SGMS1: variants seen among roughly 807,000 people sequenced by gnomAD.
SGMS1 encodes sphingomyelin synthase 1.
Under a neutral mutation model 46.2 loss-of-function variants are expected in SGMS1, and 13 were observed. That is an observed-to-expected ratio of 0.28 (90% CI 0.18 to 0.45). SGMS1 has a LOEUF of 0.45. SGMS1 is among the 20% of genes least tolerant of loss of function. The pLI is 1.00. For synonymous variants in SGMS1, 203 were observed against 187.8 expected, an observed-to-expected ratio of 1.08 and a Z score of -0.66; for missense variants, 324 against 519.9, an observed-to-expected ratio of 0.62 and a Z score of 3.66.
At chr10:50,452,165 CAT>C (rs1427533684) in intron 5 of SGMS1, among the ~76,000 whole-genome samples, 16 of 151,990 alleles carry the variant, frequency 1.1e-4, no homozygotes, top group African/African-American at 3.1e-4. Flanking sequence ...TCTATAAATA[CAT>C]ATAATAAAAT....
At position 50,361,947 on chromosome 10, in the gene SGMS1, C is replaced by A. The variant is rs189370072; in HGVS notation, c.-231-17602G>T. Reference sequence around the variant, plus strand: ...CCATACTCAAGTGTTCCAGTAGATTCCCACACAAACCAGTCATTTCATACC... The same window carrying A: ...CCATACTCAAGTGTTCCAGTAGATTACCACACAAACCAGTCATTTCATACC... On this transcript the variant is annotated intron_variant, in intron 6 of 10. Transcript: ENST00000361781. Among the ~76,000 whole-genome samples, 517 of 152,312 alleles carry A rather than the reference C, an allele frequency of 3.4e-3. 3 individuals carry two copies. The highest frequency in any genetic ancestry group is 6.5e-3 in the Non-Finnish European group (444 of 68,036).
chr10:50,480,274 A>G (rs1837464154), intron 3 of SGMS1, among the ~76,000 whole-genome samples: 2 of 152,094 alleles, frequency 1.3e-5, no homozygotes, highest in Admixed American at 1.3e-4. Context: ...CTTAAAGAAA[A>G]CGAGAGTATT....
intron 6 of SGMS1, chr10:50,418,550 T>A (rs1354598502): frequency 6.6e-6 from 1 of 152,236 alleles, no homozygotes; most frequent in African/African-American, 2.4e-5. Context: ...CCTTTCTTGA[T>A]TTATACCAAG....
chr10:50,621,726 G>A (rs1440890865), intron 1 of SGMS1, among the ~76,000 whole-genome samples: 2 of 152,192 alleles, frequency 1.3e-5, no homozygotes, highest in Non-Finnish European at 2.9e-5. Flanking sequence ...TCACTGAAGA[G>A]TTGCAGAAAT....
chr10:50,402,690 T>A (rs559897976), intron 6 of SGMS1, among the ~76,000 whole-genome samples: 138 of 152,284 alleles, frequency 9.1e-4, no homozygotes, highest in Non-Finnish European at 1.6e-3. Flanking sequence ...GTTTACATAG[T>A]ATGTAACAAG....
At chr10:50,511,017 A>T (rs1837749109) in intron 3 of SGMS1, among the ~76,000 whole-genome samples, 1 of 152,110 alleles carries the variant, frequency 6.6e-6, no homozygotes. Context: ...CTTTCTTTTG[A>T]CCTTTTCCCT....
chr10:50,380,226 C>T (rs1318072876), intron 6 of SGMS1, among the ~76,000 whole-genome samples: 2 of 151,946 alleles, frequency 1.3e-5, no homozygotes, highest in Admixed American at 1.3e-4. Context: ...AATAGAAATA[C>T]AAAAATTAGC....
At chr10:50,414,562 T>G (rs140936572) in intron 6 of SGMS1, among the ~76,000 whole-genome samples, 30 of 152,326 alleles carry the variant, frequency 2.0e-4, no homozygotes, top group African/African-American at 7.2e-4. Context: ...TTTAAGCACT[T>G]TACATGGATT....
At chr10:50,385,367 C>G (rs912598908) in intron 6 of SGMS1, among the ~76,000 whole-genome samples, 1 of 152,118 alleles carries the variant, frequency 6.6e-6, no homozygotes, top group Non-Finnish European at 1.5e-5. Context: ...ATCAGGTAGA[C>G]TTGGATTCCA....
intron 2 of SGMS1, among the ~76,000 whole-genome samples, chr10:50,557,248 T>G (rs1384233868): frequency 1.3e-5 from 2 of 152,156 alleles, no homozygotes; most frequent in Non-Finnish European, 2.9e-5. Flanking sequence ...TTTTTAGATA[T>G]TCACAATAAT....
chr10:50,422,782 G>A (rs1339465120), intron 6 of SGMS1, among the ~76,000 whole-genome samples: 1 of 152,090 alleles, frequency 6.6e-6, no homozygotes, highest in Non-Finnish European at 1.5e-5. Flanking sequence ...TTATTATATG[G>A]CATTTGCATT....
intron 6 of SGMS1, among the ~76,000 whole-genome samples, chr10:50,429,186 G>T (rs532560727): frequency 6.6e-6 from 1 of 152,132 alleles, no homozygotes; most frequent in Non-Finnish European, 1.5e-5. Context: ...GCACAGACAG[G>T]TATAGTCATG....
At chr10:50,601,463 T>A (rs1838649349) in intron 1 of SGMS1, among the ~76,000 whole-genome samples, 1 of 152,230 alleles carries the variant, frequency 6.6e-6, no homozygotes, top group Admixed American at 6.5e-5. Context: ...AGAGGACCAC[T>A]TAAGACAGAA....
At chr10:50,576,975 G>T (rs1480586229) in intron 2 of SGMS1, among the ~76,000 whole-genome samples, 1 of 152,230 alleles carries the variant, frequency 6.6e-6, no homozygotes, top group Non-Finnish European at 1.5e-5. Flanking sequence ...ACTGCATAGA[G>T]CTGGGACTTA....
intron 1 of SGMS1, among the ~76,000 whole-genome samples, chr10:50,599,875 AAAAG>A (rs1017841776): frequency 2.0e-5 from 3 of 152,320 alleles, no homozygotes; most frequent in African/African-American, 4.8e-5. Context: ...AAAATTTTAA[AAAAG>A]AAAGAAAGAA....
intron 6 of SGMS1, among the ~76,000 whole-genome samples, chr10:50,383,243 GC>G (rs1268954304): frequency 6.6e-6 from 1 of 152,086 alleles, no homozygotes; most frequent in Non-Finnish European, 1.5e-5. Context: ...GAAGAATTAT[GC>G]AGAATTTATC....
At chr10:50,544,314 G>A (rs144140438) in intron 2 of SGMS1, among the ~76,000 whole-genome samples, 25 of 152,308 alleles carry the variant, frequency 1.6e-4, no homozygotes, top group African/African-American at 6.0e-4. Flanking sequence ...GGGAGACACG[G>A]AGGATATGAA....
chr10:50,523,309 T>C (rs901897158), intron 2 of SGMS1, among the ~76,000 whole-genome samples: 1 of 152,260 alleles, frequency 6.6e-6, no homozygotes, highest in Non-Finnish European at 1.5e-5. Context: ...TTTCAATGTA[T>C]AATAAATGCT....
At chr10:50,538,315 G>A (rs1379856047) in intron 2 of SGMS1, among the ~76,000 whole-genome samples, 11 of 151,466 alleles carry the variant, frequency 7.3e-5, no homozygotes, top group South Asian at 4.2e-4. Flanking sequence ...AAAATTAGCC[G>A]GGCGTGGTGG....
Sources: allele counts gnomAD v4.1 joint callset (sites outside exome capture counted in the v4.1 genomes callset), GRCh38; gene constraint gnomAD v4.1.1; transcripts MANE v1.5; gene names NCBI Gene and HGNC (gene_info 2026-07-23, HGNC 2026-07-21).